The following PPP4R4 variants were observed in gnomAD, a reference collection of about 807,000 sequenced individuals.
PPP4R4 encodes the protein protein phosphatase 4 regulatory subunit 4.
PPP4R4 carries 70 observed loss-of-function variants against 121.8 expected under a neutral mutation model. The ratio of observed to expected loss-of-function variants is 0.57; its 90% confidence interval spans 0.47 to 0.70. The LOEUF (loss-of-function observed/expected upper bound fraction) is 0.70, where lower values mean the gene tolerates loss of function less well. Ranked by LOEUF, PPP4R4 falls within the 30% of genes least tolerant of loss-of-function variation. PPP4R4 has a pLI of 0.00. For synonymous variants in PPP4R4, 348 were observed against 355.7 expected (o/e 0.98, Z 0.24); for missense variants, 875 against 1,033.6 (o/e 0.85, Z 2.10).
intron 7 of PPP4R4, among the ~76,000 whole-genome samples, chr14:94,236,792 G>A (rs532365676): frequency 2.0e-5 from 3 of 152,288 alleles, no homozygotes; most frequent in Admixed American, 6.5e-5. Flanking sequence ...TTGTCTTAGA[G>A]TCTTTGAGAT....
chr14:94,203,425 A>G (rs1036026408), intron 2 of PPP4R4, among the ~76,000 whole-genome samples: 9 of 152,076 alleles, frequency 5.9e-5, no homozygotes, highest in Non-Finnish European at 1.2e-4. Context: ...ATGGTGTACT[A>G]CAGTTCATTT....
intron 7 of PPP4R4, among the ~76,000 whole-genome samples, chr14:94,236,148 A>G (rs1038849301): frequency 2.6e-5 from 4 of 152,186 alleles, no homozygotes; most frequent in Non-Finnish European, 4.4e-5. Context: ...GTCGTGTTGG[A>G]AGTTTAACAC....
At chr14:94,223,469 T>C (rs2139504260) in intron 3 of PPP4R4, among the ~76,000 whole-genome samples, 1 of 152,280 alleles carries the variant, frequency 6.6e-6, no homozygotes, top group East Asian at 1.9e-4. Flanking sequence ...TATTCCCTAC[T>C]GCAGAGGGGC....
rs1383881176 is a variant in PPP4R4 at position 94,242,426 on chromosome 14, A to T, written c.1266+18A>T. On this transcript the variant is annotated intron_variant, in intron 11 of 24. Coordinates refer to ENST00000304338, the MANE Select transcript of PPP4R4 (RefSeq NM_058237.2). ...TTTATGAAGTAAGTCTGAAGACTTG[A>T]TATCACTTTACGTTTGTTGTTAATT... 5.0e-6 allele frequency: 8 copies of T among 1,597,220 alleles called. No homozygotes were observed. The Middle Eastern group carries it at 5.0e-4, about 99-fold the overall frequency.
At chr14:94,220,903 A>C (rs1021051192) in intron 3 of PPP4R4, among the ~76,000 whole-genome samples, 1 of 152,188 alleles carries the variant, frequency 6.6e-6, no homozygotes. Context: ...TAAGATTCGT[A>C]TGAGAATGTA....
At chr14:94,214,095 G>A (rs1890890506) in intron 3 of PPP4R4, among the ~76,000 whole-genome samples, 1 of 152,016 alleles carries the variant, frequency 6.6e-6, no homozygotes, top group South Asian at 2.1e-4. Context: ...CAGATAATAG[G>A]CACTCAAAAA....
chr14:94,205,167 A>G lies in PPP4R4; in HGVS notation c.192-3297A>G, dbSNP rs374133228. ...TTAAATGGTAGTATTCTCCATTGAAACCATCTGGGCCTGGACAATTTTTTA... is the reference window on the plus strand; with the variant it reads ...TTAAATGGTAGTATTCTCCATTGAAGCCATCTGGGCCTGGACAATTTTTTA... On this transcript the variant is annotated intron_variant, in intron 2 of 24. Coordinates refer to ENST00000304338, the MANE Select transcript of PPP4R4 (RefSeq NM_058237.2). Among the ~76,000 whole-genome samples the G allele has an allele frequency of 9.2e-5, 14 of 152,220 alleles. 1 individual carries two copies. In the East Asian group the frequency reaches 1.9e-3, roughly 21 times the overall value.
At chr14:94,175,387 T>TCAGCTTGCTCCCCCCACCC (rs1300613673) in intron 1 of PPP4R4, 2 of 151,150 alleles carry the variant, frequency 1.3e-5, no homozygotes, top group Non-Finnish European at 2.9e-5. Flanking sequence ...GGGTCAAGCT[T>TCAGCTTGCTCCCCCCACCC]CAGCTTGCTC....
chr14:94,275,277 A>C, intron 23 of PPP4R4, 97 bp from the exon 24 acceptor site: 3 of 1,348,168 alleles, frequency 2.2e-6, no homozygotes, highest in Non-Finnish European at 2.1e-6. Flanking sequence ...TTGATTTAAA[A>C]GGTGAAAAAG....
intron 8 of PPP4R4, 119 bp downstream of exon 8, chr14:94,237,805 C>T: frequency 1.6e-6 from 2 of 1,263,810 alleles, no homozygotes; most frequent in African/African-American, 1.5e-5. Context: ...CTTCCTCTCC[C>T]TCTTTTTATG....
chr14:94,272,588 CT>C (rs34789112), intron 23 of PPP4R4, among the ~76,000 whole-genome samples: 31,071 of 151,944 alleles, frequency 0.2, 3,689 homozygotes, highest in East Asian at 0.59. Context: ...GATGACCCTG[CT>C]TATGGTAATG....
chr14:94,212,530 A>G (rs1325803169), intron 3 of PPP4R4, among the ~76,000 whole-genome samples: 1 of 152,152 alleles, frequency 6.6e-6, no homozygotes, highest in East Asian at 1.9e-4. Flanking sequence ...AGAAATTTAG[A>G]AAGGAAATAT....
intron 23 of PPP4R4, among the ~76,000 whole-genome samples, chr14:94,270,394 G>T (rs1222603865): frequency 6.6e-6 from 1 of 152,114 alleles, no homozygotes; most frequent in Non-Finnish European, 1.5e-5. Flanking sequence ...CTAAAAATCT[G>T]TATTGAAATG....
At chr14:94,174,819 G>A (rs1163289078) in intron 1 of PPP4R4, among the ~76,000 whole-genome samples, 2 of 152,018 alleles carry the variant, frequency 1.3e-5, no homozygotes, top group Admixed American at 1.3e-4. Flanking sequence ...CATCCCCAAG[G>A]GACGGGTCCC....
chr14:94,273,131 T>G (rs146246271), intron 23 of PPP4R4, among the ~76,000 whole-genome samples: 150 of 152,318 alleles, frequency 9.8e-4, no homozygotes, highest in Non-Finnish European at 2.1e-3. Flanking sequence ...GCAGTTGTGC[T>G]CCTTGGTATT....
intron 3 of PPP4R4, among the ~76,000 whole-genome samples, chr14:94,213,407 C>G (rs1212175814): frequency 3.3e-5 from 5 of 152,156 alleles, no homozygotes; most frequent in African/African-American, 1.2e-4. Context: ...TATCTTGTCT[C>G]CCACTTGCAT....
At chr14:94,259,180 G>T in intron 18 of PPP4R4, 115 bp from the exon 19 acceptor site, 1 of 1,474,648 alleles carries the variant, frequency 6.8e-7, no homozygotes, top group Non-Finnish European at 9.0e-7. Flanking sequence ...GCTACAAGAT[G>T]AAATTTGGAT....
chr14:94,233,236 T>G (rs1162593740), intron 5 of PPP4R4, among the ~76,000 whole-genome samples: 1 of 152,208 alleles, frequency 6.6e-6, no homozygotes, highest in Non-Finnish European at 1.5e-5. Context: ...ACAGAATTAT[T>G]TAATAGGATT....
chr14:94,237,748 C>T lies in PPP4R4; in HGVS notation c.853+62C>T, dbSNP rs548396316. ...GTGTTTTTCTACATGTTTTATGTCA[C>T]TAATAAGGAATAAAAGTAGATTTAG... On this transcript the variant is annotated intron_variant, in intron 8 of 24. Coordinates refer to ENST00000304338, the MANE Select transcript of PPP4R4 (RefSeq NM_058237.2). The T allele has an allele frequency of 3.4e-5, 52 of 1,538,800 alleles. No homozygotes were observed. In the Admixed American group the frequency reaches 7.1e-4, roughly 21 times the overall value.
Sources: allele counts gnomAD v4.1 joint callset (sites outside exome capture counted in the v4.1 genomes callset), GRCh38; gene constraint gnomAD v4.1.1; transcripts MANE v1.5; gene names NCBI Gene and HGNC (gene_info 2026-07-23, HGNC 2026-07-21).